FHIT: variants seen among roughly 807,000 people sequenced by gnomAD.
The protein encoded by FHIT is fragile histidine triad diadenosine triphosphatase, also known as bis(5'-adenosyl)-triphosphatase.
FHIT carries 19 observed loss-of-function variants against 17.9 expected under a neutral mutation model. The ratio of observed to expected loss-of-function variants is 1.06; its 90% CI spans 0.74 to 1.56. The LOEUF (loss-of-function observed/expected upper bound fraction) is 1.56, where lower values mean the gene tolerates loss of function less well. Among genes scored for constraint, FHIT ranks in the 40% most tolerant of loss-of-function variants. The probability of loss-of-function intolerance (pLI) is 0.00; values close to 1 mark genes in which losing one functional copy is unlikely to be tolerated. For missense variants in FHIT, 248 were observed against 189.2 expected (o/e 1.31, Z -1.82); for synonymous variants, 81 against 69.7 (o/e 1.16, Z -0.81).
chr3:60,946,545 C>G (rs138908545), intron 3 of FHIT, among the ~76,000 whole-genome samples: 243 of 152,066 alleles, frequency 1.6e-3, no homozygotes, highest in African/African-American at 5.6e-3. Context: ...CCTGATAGAC[C>G]AGGTATGAGT....
At chr3:60,330,173 G>C (rs917702708) in intron 5 of FHIT, among the ~76,000 whole-genome samples, 1 of 152,080 alleles carries the variant, frequency 6.6e-6, no homozygotes, top group African/African-American at 2.4e-5. Flanking sequence ...TGGGCTCCCG[G>C]GATTCTAAGC....
intron 8 of FHIT, among the ~76,000 whole-genome samples, chr3:59,774,631 T>C (rs1424667698): frequency 6.6e-6 from 1 of 152,236 alleles, no homozygotes; most frequent in Non-Finnish European, 1.5e-5. Flanking sequence ...TATCACAAAT[T>C]GTAATGACAC....
At chr3:60,614,804 A>C in intron 4 of FHIT, among the ~76,000 whole-genome samples, 1 of 138,068 alleles carries the variant, frequency 7.2e-6, no homozygotes, top group Admixed American at 7.3e-5. Context: ...AAAATTGCAA[A>C]AGTTGTTTTT....
At chr3:60,883,902 G>A (rs1705087643) in intron 3 of FHIT, among the ~76,000 whole-genome samples, 1 of 152,062 alleles carries the variant, frequency 6.6e-6, no homozygotes, top group Non-Finnish European at 1.5e-5. Flanking sequence ...CAGCAAAGGA[G>A]ACAATCAACA....
intron 3 of FHIT, among the ~76,000 whole-genome samples, chr3:60,874,788 A>G (rs1463772898): frequency 6.6e-6 from 1 of 152,144 alleles, no homozygotes; most frequent in Non-Finnish European, 1.5e-5. Context: ...AGCTAGGTCA[A>G]TGCTCTAAGC....
intron 4 of FHIT, among the ~76,000 whole-genome samples, chr3:60,707,689 TATAAGA>T (rs1335352872): frequency 6.6e-6 from 1 of 152,184 alleles, no homozygotes; most frequent in Non-Finnish European, 1.5e-5. Context: ...GCCTCCTTAA[TATAAGA>T]ATAACATATC....
At chr3:60,261,482 T>C (rs1034844426) in intron 5 of FHIT, among the ~76,000 whole-genome samples, 1 of 151,760 alleles carries the variant, frequency 6.6e-6, no homozygotes, top group Non-Finnish European at 1.5e-5. Flanking sequence ...AATTCAGGAG[T>C]TTATGGTAAG....
intron 8 of FHIT, among the ~76,000 whole-genome samples, chr3:59,825,719 G>T (rs1389474241): frequency 6.6e-6 from 1 of 152,148 alleles, no homozygotes; most frequent in Non-Finnish European, 1.5e-5. Flanking sequence ...GTTTCCACAG[G>T]TGTCTTGGGT....
At chr3:60,326,370 C>T (rs1239182864) in intron 5 of FHIT, among the ~76,000 whole-genome samples, 1 of 152,034 alleles carries the variant, frequency 6.6e-6, no homozygotes, top group East Asian at 1.9e-4. Flanking sequence ...ATTAGGTTCT[C>T]ATAAGGAGCG....
At chr3:59,860,549 C>T (rs1185499497) in intron 8 of FHIT, among the ~76,000 whole-genome samples, 1 of 152,212 alleles carries the variant, frequency 6.6e-6, no homozygotes, top group Non-Finnish European at 1.5e-5. Context: ...CACCCTTCAT[C>T]AACACCCTTA....
chr3:60,019,265 G>A (rs528601947), intron 5 of FHIT, among the ~76,000 whole-genome samples: 1 of 152,094 alleles, frequency 6.6e-6, no homozygotes, highest in Non-Finnish European at 1.5e-5. Context: ...GAGATATTCT[G>A]TCTTCTAAAA....
At chr3:59,986,868 A>G (rs1185780147) in intron 7 of FHIT, among the ~76,000 whole-genome samples, 1 of 105,600 alleles carries the variant, frequency 9.5e-6, no homozygotes, top group Admixed American at 1.4e-4. Flanking sequence ...CTATAGAAAA[A>G]TATTTCATAT....
chr3:60,410,885 C>A (rs1229520897), intron 5 of FHIT, among the ~76,000 whole-genome samples: 1 of 152,060 alleles, frequency 6.6e-6, no homozygotes, highest in Non-Finnish European at 1.5e-5. Flanking sequence ...CTTTCTCTTT[C>A]CTATATGGAG....
chr3:60,833,083 C>T (rs1437395058), intron 3 of FHIT, among the ~76,000 whole-genome samples: 1 of 152,188 alleles, frequency 6.6e-6, no homozygotes, highest in Admixed American at 6.5e-5. Context: ...CTTTCAATCT[C>T]CTGCCTTAGG....
At chr3:60,003,108 A>G (rs1170197001) in intron 7 of FHIT, among the ~76,000 whole-genome samples, 2 of 152,190 alleles carry the variant, frequency 1.3e-5, no homozygotes, top group East Asian at 1.9e-4. Context: ...AATGCACTTT[A>G]AATAATAGAA....
chr3:61,205,223 G>T (rs1481816755), intron 1 of FHIT, among the ~76,000 whole-genome samples: 4 of 152,038 alleles, frequency 2.6e-5, no homozygotes, highest in Non-Finnish European at 5.9e-5. Context: ...GTCTATCATT[G>T]TTGGACATTT....
At chr3:61,006,564 G>T (rs1450673928) in intron 3 of FHIT, among the ~76,000 whole-genome samples, 2 of 148,678 alleles carry the variant, frequency 1.3e-5, no homozygotes, top group Non-Finnish European at 3.0e-5. Flanking sequence ...AAAATCAAAA[G>T]AAGGCACCAA....
intron 2 of FHIT, among the ~76,000 whole-genome samples, chr3:61,171,202 C>T (rs2107133427): frequency 1.3e-5 from 2 of 152,278 alleles, no homozygotes; most frequent in Non-Finnish European, 2.9e-5. Context: ...CTCTAATGAT[C>T]AGTGATGTTG....
At chr3:60,171,860 C>T (rs1353299400) in intron 5 of FHIT, among the ~76,000 whole-genome samples, 1 of 122,498 alleles carries the variant, frequency 8.2e-6, no homozygotes, top group Non-Finnish European at 1.9e-5. Flanking sequence ...CATGTGCCAC[C>T]CTGCCCAGCT....
Sources: allele counts gnomAD v4.1 joint callset (sites outside exome capture counted in the v4.1 genomes callset), GRCh38; gene constraint gnomAD v4.1.1; transcripts MANE v1.5; gene names NCBI Gene and HGNC (gene_info 2026-07-23, HGNC 2026-07-21).